The following ANKRD30BL variants were observed in gnomAD, a reference collection of about 807,000 sequenced individuals.
ANKRD30BL encodes the protein ankyrin repeat domain 30B like, also known as putative ankyrin repeat domain-containing protein 30B-like.
A neutral mutation model predicts 18.4 loss-of-function variants in ANKRD30BL; 20 were observed. The ratio of observed to expected loss-of-function variants is 1.09; its 90% CI spans 0.77 to 1.58. The LOEUF is 1.58. Ranked by LOEUF, ANKRD30BL falls within the 40% of genes most tolerant of loss-of-function variation. ANKRD30BL has a pLI of 0.00. For missense variants in ANKRD30BL, 224 were observed against 268.6 expected (o/e 0.83, Z 1.16); for synonymous variants, 72 against 100.9 (o/e 0.71, Z 1.72).
chr2:132,154,643 A>AG lies in ANKRD30BL; in HGVS notation c.614+18_614+19insC, dbSNP rs1687850168. ...TAGCACACTACTCAAGTGTTTTTTA[A>AG]TAAAAAAAACTACTATACCATTTAA... is the stretch of plus-strand genomic sequence containing the variant. On this transcript the variant is annotated intron_variant, in intron 4 of 5. Transcript: ENST00000409867. 1 of 608,266 alleles carries AG rather than the reference A, an allele frequency of 1.6e-6. No individual in the cohort carries two copies. The highest frequency in any genetic ancestry group is 3.0e-6 in the Non-Finnish European group (1 of 337,632). 37.7% of individuals were successfully genotyped at this position (608,266 alleles called of 1,614,324 possible).
At chr2:132,167,179 T>G (rs1688200569) in intron 1 of ANKRD30BL, among the ~76,000 whole-genome samples, 1 of 151,764 alleles carries the variant, frequency 6.6e-6, no homozygotes, top group Non-Finnish European at 1.5e-5. Flanking sequence ...TTAAGACGTT[T>G]ATGGCCCATA....
In ANKRD30BL at chr2:132,160,401, C is replaced by CTTTT. The variant is rs33924872; in HGVS notation, c.218+1083_218+1086dup. Reference sequence around the variant, plus strand: ...CAGGCATGAGCCACGACGCCTGGCCCTTTTTTTTTTTTTTTTTCAAATTTT... The same window carrying CTTTT: ...CAGGCATGAGCCACGACGCCTGGCCCTTTTTTTTTTTTTTTTTTTTTCAAATTTT... On this transcript the variant is annotated intron_variant, in intron 1 of 5. Transcript: ENST00000409867. Among the ~76,000 whole-genome samples, 642 of 97,528 alleles carry CTTTT rather than the reference C, an allele frequency of 6.6e-3. 15 individuals carry two copies. Among genetic ancestry groups the CTTTT allele is most frequent in the African/African-American group, 0.022 (501 of 23,040 alleles). 64.0% of individuals were successfully genotyped at this position (97,528 alleles called of 152,430 possible). A position where few individuals can be genotyped will look rare whatever the true frequency, so the allele number is the denominator to read the frequency against.
intron 1 of ANKRD30BL, among the ~76,000 whole-genome samples, chr2:132,226,298 T>A (rs1679842497): frequency 6.6e-6 from 1 of 151,224 alleles, no homozygotes; most frequent in African/African-American, 2.5e-5. Flanking sequence ...TTTTGTAGAA[T>A]CTGCAAGTGG....
intron 1 of ANKRD30BL, among the ~76,000 whole-genome samples, chr2:132,220,251 G>C: frequency 6.6e-6 from 1 of 151,128 alleles, no homozygotes; most frequent in Admixed American, 6.6e-5. Flanking sequence ...CCTTTCTTTT[G>C]ACAGAGCAGG....
At chr2:132,171,406 A>G (rs1235500046) in intron 1 of ANKRD30BL, among the ~76,000 whole-genome samples, 4 of 152,146 alleles carry the variant, frequency 2.6e-5, no homozygotes, top group Admixed American at 6.6e-5. Flanking sequence ...TTGATCCTAG[A>G]TGCTATGCGA....
intron 1 of ANKRD30BL, among the ~76,000 whole-genome samples, chr2:132,213,205 A>G (rs1679401633): frequency 6.6e-6 from 1 of 151,742 alleles, no homozygotes; most frequent in African/African-American, 2.4e-5. Flanking sequence ...GCGTGCATTC[A>G]TCACACAGAG....
chr2:132,178,928 T>C (rs537421808), intron 1 of ANKRD30BL, among the ~76,000 whole-genome samples: 9 of 151,590 alleles, frequency 5.9e-5, no homozygotes, highest in South Asian at 2.1e-4. Context: ...TAAGCCTGGG[T>C]AACTGGGAGA....
At chr2:132,194,971 A>T (rs1319803649) in intron 1 of ANKRD30BL, among the ~76,000 whole-genome samples, 1 of 152,218 alleles carries the variant, frequency 6.6e-6, no homozygotes, top group Non-Finnish European at 1.5e-5. Flanking sequence ...AAGTAAATTT[A>T]TATTTTAAGA....
chr2:132,235,537 A>G (rs1016330308), intron 1 of ANKRD30BL, among the ~76,000 whole-genome samples: 1 of 152,144 alleles, frequency 6.6e-6, no homozygotes, highest in Admixed American at 6.6e-5. Flanking sequence ...ATTCTTATAC[A>G]CCAACAACAG....
chr2:132,221,902 G>A (rs1418953284), intron 1 of ANKRD30BL, among the ~76,000 whole-genome samples: 17 of 121,030 alleles, frequency 1.4e-4, no homozygotes, highest in East Asian at 7.4e-4. Context: ...CAGCCGCCCC[G>A]TCTGGGAGGG....
chr2:132,148,100 C>T lies in ANKRD30BL; in HGVS notation c.*31G>A. 2 of 1,520,094 alleles carry T rather than the reference C, an allele frequency of 1.3e-6. No homozygotes were observed. Among genetic ancestry groups the T allele is most frequent in the Non-Finnish European group, 9.0e-7 (1 of 1,113,124 alleles). 94.2% of individuals were successfully genotyped at this position (1,520,094 alleles called of 1,614,324 possible). A position where few individuals can be genotyped will look rare whatever the true frequency, so the allele number is the denominator to read the frequency against. On this transcript the variant is annotated 3_prime_UTR_variant, in exon 6 of 6. Transcript: ENST00000409867. ...TTGAATTTTAAAGGATGTTTACAGG[C>T]TAAAATCTTTGAAGAGGAATTCACT...
intron 1 of ANKRD30BL, among the ~76,000 whole-genome samples, chr2:132,181,849 C>T (rs546494932): frequency 7.4e-4 from 113 of 152,268 alleles, no homozygotes; most frequent in Admixed American, 1.4e-3. Flanking sequence ...CGGTGGCTCA[C>T]ACCTGTAATT....
intron 1 of ANKRD30BL, among the ~76,000 whole-genome samples, chr2:132,159,681 CACAT>C: frequency 6.6e-6 from 1 of 152,272 alleles, no homozygotes; most frequent in African/African-American, 2.4e-5. Flanking sequence ...TACACACACT[CACAT>C]ACATGTGTAG....
At chr2:132,246,494 T>C (rs1028194890) in intron 1 of ANKRD30BL, among the ~76,000 whole-genome samples, 49 of 152,004 alleles carry the variant, frequency 3.2e-4, no homozygotes, top group Non-Finnish European at 6.2e-4. Context: ...AGAACAATTT[T>C]CAGGAACTTC....
chr2:132,200,526 A>G (rs1204234758), intron 1 of ANKRD30BL, among the ~76,000 whole-genome samples: 1 of 152,232 alleles, frequency 6.6e-6, no homozygotes, highest in East Asian at 1.9e-4. Flanking sequence ...CCAAATCATG[A>G]GTGAATTCCC....
intron 1 of ANKRD30BL, among the ~76,000 whole-genome samples, chr2:132,219,463 C>T (rs574513520): frequency 6.9e-4 from 105 of 151,522 alleles, no homozygotes; most frequent in Non-Finnish European, 1.1e-3. Flanking sequence ...GCTTTAAGCC[C>T]TACGGTGGAA....
chr2:132,213,071 G>A (rs1679399112), intron 1 of ANKRD30BL, among the ~76,000 whole-genome samples: 1 of 151,624 alleles, frequency 6.6e-6, no homozygotes, highest in East Asian at 1.9e-4. Flanking sequence ...CAATTGAGCA[G>A]TTTTGAAACC....
At chr2:132,228,964 A>AT (rs1222836909) in intron 1 of ANKRD30BL, among the ~76,000 whole-genome samples, 1 of 151,996 alleles carries the variant, frequency 6.6e-6, no homozygotes, top group East Asian at 1.9e-4. Context: ...AGATAGAAGC[A>AT]TTTTTAGAAA....
chr2:132,174,357 A>C (rs1464120818), intron 1 of ANKRD30BL, among the ~76,000 whole-genome samples: 1 of 152,172 alleles, frequency 6.6e-6, no homozygotes, highest in East Asian at 1.9e-4. Flanking sequence ...CAGAGAGGCA[A>C]CTGCAAGTTA....
Sources: gnomAD v4.1 joint callset for allele counts (sites outside exome capture counted in the v4.1 genomes callset) on GRCh38, gnomAD v4.1.1 for gene constraint, MANE v1.5 for transcripts, NCBI Gene and HGNC (gene_info 2026-07-23, HGNC 2026-07-21) for gene names.